Variants in TFAP2A observed in about 807,000 individuals in gnomAD.
TFAP2A encodes transcription factor AP-2-alpha.
TFAP2A carries 7 observed loss-of-function variants against 41.5 expected under a neutral mutation model. The observed-to-expected ratio is 0.17, with a 90% CI of 0.10 to 0.32. The LOEUF (loss-of-function observed/expected upper bound fraction) is 0.32. Ranked by LOEUF, TFAP2A falls within the 10% of genes least tolerant of loss-of-function variation. The probability of loss-of-function intolerance (pLI) is 1.00; values close to 1 mark genes in which losing one functional copy is unlikely to be tolerated. For missense variants in TFAP2A, 416 were observed against 563.3 expected, an observed-to-expected ratio of 0.74 and a Z score of 2.65; for synonymous variants, 247 against 242.8, an observed-to-expected ratio of 1.02 and a Z score of -0.16.
At chr6:10,412,244 G>C in intron 1 of TFAP2A, 3 of 987,624 alleles carry the variant, frequency 3.0e-6, no homozygotes, top group Non-Finnish European at 3.6e-6. Flanking sequence ...GCCGCGGCGC[G>C]GCGTCTGGCG....
At chr6:10,400,373 A>T in intron 6 of TFAP2A, 75 bp downstream of exon 6, 1 of 1,591,146 alleles carries the variant, frequency 6.3e-7, no homozygotes, top group South Asian at 1.1e-5. Flanking sequence ...AGGGAGAAGG[A>T]AGAGCAAAAA....
chr6:10,415,413 T>C, upstream of TFAP2A: 1 of 487,202 alleles, frequency 2.1e-6, no homozygotes, highest in Non-Finnish European at 3.1e-6. Flanking sequence ...CGAACTTGCT[T>C]CTAGAGCGCA....
intron 6 of TFAP2A, among the ~76,000 whole-genome samples, chr6:10,399,924 C>CTG (rs58533284): frequency 0.1 from 15,064 of 148,894 alleles, 810 homozygotes; most frequent in Middle Eastern, 0.19. Context: ...CTCTCTCTGT[C>CTG]TGTGTGTGTG....
In TFAP2A at chr6:10,398,353, C is replaced by A; in HGVS notation, c.*64G>T. On this transcript the variant is annotated 3_prime_UTR_variant, in exon 7 of 7. Coordinates refer to ENST00000379613, the MANE Select transcript of TFAP2A (RefSeq NM_001372066.1). This position sits in a 1 kb window ranked among gnomAD's most constrained non-coding sequence, Gnocchi z 5.3. ...GGGTTGCTGATCCCGGAGCTGTCAC[C>A]CGCCGGAGGGTGGGCGCGCGGGGGG... 2 of 1,607,106 alleles carry A rather than the reference C, an allele frequency of 1.2e-6. No individual in the cohort carries two copies. The highest frequency in any genetic ancestry group is 2.2e-5 in the East Asian group (1 of 44,616).
At chr6:10,399,677 G>A (rs957375967) in intron 6 of TFAP2A, among the ~76,000 whole-genome samples, 1 of 152,228 alleles carries the variant, frequency 6.6e-6, no homozygotes, top group Non-Finnish European at 1.5e-5. Flanking sequence ...CTCAGCTTCT[G>A]CCCTCTGCTT....
chr6:10,415,310 C>T (rs1462276479), upstream of TFAP2A: 2 of 1,349,068 alleles, frequency 1.5e-6, no homozygotes, highest in South Asian at 1.5e-5. Flanking sequence ...GCCTAATCGC[C>T]TCATTAGCAT....
intron 5 of TFAP2A, among the ~76,000 whole-genome samples, chr6:10,401,221 G>A (rs1054230319): frequency 1.3e-5 from 2 of 152,194 alleles, no homozygotes; most frequent in Admixed American, 1.3e-4. Flanking sequence ...TCCATAAAAT[G>A]GAGCGGATCA....
Position 10,411,709 on chromosome 6 carries a change from G to A in TFAP2A, c.52-1374C>T, listed in dbSNP as rs1253060898. 1.3e-5 allele frequency: 21 copies of A among 1,574,036 alleles called. No homozygotes were observed. The South Asian group carries it at 2.3e-4, about 17-fold the overall frequency. ...ACACAAAAGGCGCCGAGAGCCCCGC[G>A]CCACCCAGGACTCCAGTCACGGCGC... On this transcript the variant is annotated intron_variant, in intron 1 of 6. Transcript: ENST00000379613.
intron 6 of TFAP2A, among the ~76,000 whole-genome samples, chr6:10,399,032 A>T (rs1409146092): frequency 6.6e-6 from 1 of 152,244 alleles, no homozygotes; most frequent in Non-Finnish European, 1.5e-5. Flanking sequence ...ACATTGGAAG[A>T]GAAAGAAAGG....
chr6:10,417,667 G>C (rs1364373384), upstream of TFAP2A, among the ~76,000 whole-genome samples: 1 of 152,118 alleles, frequency 6.6e-6, no homozygotes, highest in East Asian at 1.9e-4. Flanking sequence ...GACAGTGAGG[G>C]GCCAGAACGA....
chr6:10,418,103 G>A (rs1758309906), upstream of TFAP2A: 1 of 152,270 alleles, frequency 6.6e-6, no homozygotes, highest in Non-Finnish European at 1.5e-5. Flanking sequence ...CCCGGGATTT[G>A]TCTCTGGTAT....
At position 10,398,504 on chromosome 6, in the gene TFAP2A, C is replaced by G; in HGVS notation, c.1233G>C (p.Met411Ile). Reference protein sequence around the residue: ...QNYLTEALKAMDKMYLSNNPN... With the variant: ...QNYLTEALKAIDKMYLSNNPN... Reference sequence around the variant, plus strand: ...GGTTGTTGCTGAGGTACATTTTGTCCATGGCCTTGAGGGCCTCGGTGAGAT... The same window carrying G: ...GGTTGTTGCTGAGGTACATTTTGTCGATGGCCTTGAGGGCCTCGGTGAGAT... Residue 411 changes from methionine (M) to isoleucine (I), a missense_variant, in exon 7 of 7, where the codon ATG (methionine) becomes ATC (isoleucine). By Grantham distance (10) the Met-to-Ile change is conservative. Coordinates refer to ENST00000379613, the MANE Select transcript of TFAP2A (RefSeq NM_001372066.1). This position sits in a 1 kb window ranked among gnomAD's most constrained non-coding sequence, Gnocchi z 5.3. 6.2e-7 allele frequency: 1 copy of G among 1,614,192 alleles called. No homozygotes were observed. Among genetic ancestry groups the G allele is most frequent in the Non-Finnish European group, 8.5e-7 (1 of 1,180,036 alleles).
At chr6:10,404,997 T>C in intron 3 of TFAP2A, 1 of 564,852 alleles carries the variant, frequency 1.8e-6, no homozygotes, top group Non-Finnish European at 3.2e-6. Context: ...CTTGACCCTT[T>C]CCCCTTCGCC....
At chr6:10,401,017 T>C (rs545604036) in intron 5 of TFAP2A, among the ~76,000 whole-genome samples, 38 of 152,250 alleles carry the variant, frequency 2.5e-4, no homozygotes, top group Non-Finnish European at 5.0e-4. Flanking sequence ...AAATTATCTG[T>C]TCATCCAAAC....
At chr6:10,414,402 T>TG (rs969419140) in intron 1 of TFAP2A, among the ~76,000 whole-genome samples, 71 of 150,728 alleles carry the variant, frequency 4.7e-4, no homozygotes, top group African/African-American at 1.4e-3. Flanking sequence ...CAGCGAAGTG[T>TG]GGGGGGGCCG....
chr6:10,405,005 G>A (rs1054480214), intron 3 of TFAP2A: 7 of 555,426 alleles, frequency 1.3e-5, no homozygotes, highest in East Asian at 3.0e-5. Context: ...TTTCCCCTTC[G>A]CCGTCAAGGG....
chr6:10,407,077 T>A, intron 2 of TFAP2A: 1 of 575,658 alleles, frequency 1.7e-6, no homozygotes, highest in Non-Finnish European at 3.1e-6. Flanking sequence ...ATAATCCATG[T>A]TTAAAAGGGG....
At chr6:10,402,450 C>T in intron 5 of TFAP2A, 42 bp downstream of exon 5, 3 of 1,436,828 alleles carry the variant, frequency 2.1e-6, no homozygotes, top group South Asian at 2.3e-5. Flanking sequence ...ATCCATTTTC[C>T]AAGAAGGAAG....
In TFAP2A at chr6:10,398,290, G is replaced by GGCGGCGGCA; in HGVS notation, c.*118_*126dup. The GGCGGCGGCA allele has an allele frequency of 1.9e-6, 3 of 1,586,004 alleles. No homozygotes were observed. Among genetic ancestry groups the GGCGGCGGCA allele is most frequent in the Non-Finnish European group, 2.6e-6 (3 of 1,169,794 alleles). On this transcript the variant is annotated 3_prime_UTR_variant, in exon 7 of 7. Coordinates refer to ENST00000379613, the MANE Select transcript of TFAP2A (RefSeq NM_001372066.1). The surrounding 1 kb of genome is among the most constrained non-coding windows in gnomAD (Gnocchi z 5.3). Reference sequence around the variant, plus strand: ...GGGACCCAAGGGCAGCGGCGGCGGCGGCGGCGGCAGCAGCAGCAGCAGTAG... The same window carrying GGCGGCGGCA: ...GGGACCCAAGGGCAGCGGCGGCGGCGGCGGCGGCAGCGGCGGCAGCAGCAGCAGCAGTAG...
Sources: allele counts gnomAD v4.1 joint callset (sites outside exome capture counted in the v4.1 genomes callset), GRCh38; gene constraint gnomAD v4.1.1; non-coding constraint Gnocchi (gnomAD v3.1); transcripts MANE v1.5; gene names NCBI Gene and HGNC (gene_info 2026-07-23, HGNC 2026-07-21).